The following CDK1 variants were observed in gnomAD, a reference collection of about 807,000 sequenced individuals.
CDK1 encodes cyclin dependent kinase 1, also known as cyclin-dependent kinase 1.
CDK1 carries 5 observed loss-of-function variants against 34.6 expected under a neutral mutation model. That is an observed-to-expected ratio of 0.14 (90% confidence interval 0.08 to 0.30). The LOEUF is 0.30. Among genes scored for constraint, CDK1 ranks in the 10% least tolerant of loss-of-function variants. CDK1 has a pLI of 1.00. For missense variants in CDK1, 157 were observed against 345.7 expected (o/e 0.45, Z 4.33); for synonymous variants, 108 against 114.7 (o/e 0.94, Z 0.37).
chr10:60,778,356 G>C (rs1348498936), upstream of CDK1: 1 of 152,318 alleles, frequency 6.6e-6, no homozygotes, highest in East Asian at 1.9e-4. Flanking sequence ...TTTCTTTCGC[G>C]CTCTAGCCAC....
intron 4 of CDK1, chr10:60,786,826 C>A: frequency 1.1e-6 from 1 of 935,608 alleles, no homozygotes; most frequent in Non-Finnish European, 1.3e-6. Flanking sequence ...TATTATAAAC[C>A]GCCTATATTT....
chr10:60,778,530 G>A lies in CDK1; in HGVS notation c.-66G>A, dbSNP rs1359729054. 3.9e-5 allele frequency: 6 copies of A among 152,496 alleles called. No homozygotes were observed. Among genetic ancestry groups the A allele is most frequent in the Non-Finnish European group, 8.8e-5 (6 of 68,248 alleles). The allele number at this position is 152,496 out of a possible 1,614,324, so 9.4% of individuals were successfully genotyped here. A position where few individuals can be genotyped will look rare whatever the true frequency, so the allele number is the denominator to read the frequency against. Reference sequence around the variant, plus strand: ...AAATTGAGCGGAGAGCGACGCGGTTGTTGTAGCTGCCGCTGCGGCCGCCGC... The same window carrying A: ...AAATTGAGCGGAGAGCGACGCGGTTATTGTAGCTGCCGCTGCGGCCGCCGC... On this transcript the variant is annotated 5_prime_UTR_variant, in exon 1 of 8. Transcript: ENST00000395284.
intron 4 of CDK1, 118 bp downstream of exon 4, chr10:60,785,905 T>A (rs1226785707): frequency 2.3e-6 from 3 of 1,318,550 alleles, no homozygotes; most frequent in Non-Finnish European, 2.9e-6. Flanking sequence ...TAAGAAAAAG[T>A]ATTTCATTTT....
chr10:60,790,061 ATTGT>A (rs1377539046), intron 5 of CDK1, among the ~76,000 whole-genome samples: 14 of 152,088 alleles, frequency 9.2e-5, no homozygotes, highest in Admixed American at 2.0e-4. Flanking sequence ...TTTTATTCAG[ATTGT>A]TTGACCATTT....
intron 4 of CDK1, 80 bp downstream of exon 4, chr10:60,785,867 G>A (rs2080311536): frequency 1.5e-6 from 2 of 1,372,590 alleles, no homozygotes; most frequent in Non-Finnish European, 1.9e-6. Context: ...TGCATTTTGT[G>A]GGAATATGCT....
At chr10:60,792,412 A>G (rs1350361851) in intron 7 of CDK1, 123 bp downstream of exon 7, 4 of 791,054 alleles carry the variant, frequency 5.1e-6, no homozygotes, top group Admixed American at 5.6e-5. Flanking sequence ...TGTTATGTAC[A>G]TTGTATTATA....
At chr10:60,786,415 G>C in intron 4 of CDK1, 1 of 718,598 alleles carries the variant, frequency 1.4e-6, no homozygotes, top group Non-Finnish European at 1.7e-6. Context: ...TTATCAAGAC[G>C]TAGATCTACC....
chr10:60,779,783 CTT>C (rs1454949096), intron 1 of CDK1, among the ~76,000 whole-genome samples: 1 of 151,510 alleles, frequency 6.6e-6, no homozygotes, highest in African/African-American at 2.4e-5. Flanking sequence ...TTGGGTATAA[CTT>C]TGGCACACGC....
intron 2 of CDK1, among the ~76,000 whole-genome samples, chr10:60,783,185 C>T (rs1307609534): frequency 6.6e-6 from 1 of 152,046 alleles, no homozygotes; most frequent in Non-Finnish European, 1.5e-5. Flanking sequence ...ATGAAGGTTG[C>T]CTACTTTTAA....
chr10:60,789,453 T>C (rs1194836262), intron 5 of CDK1, among the ~76,000 whole-genome samples: 1 of 152,234 alleles, frequency 6.6e-6, no homozygotes, highest in African/African-American at 2.4e-5. Context: ...CTTTTTACGT[T>C]TTCAAATATG....
At chr10:60,791,312 A>C (rs2080358202) in intron 5 of CDK1, among the ~76,000 whole-genome samples, 1 of 151,988 alleles carries the variant, frequency 6.6e-6, no homozygotes, top group Non-Finnish European at 1.5e-5. Flanking sequence ...TTTTTCAGCT[A>C]GTTATTGGTG....
At chr10:60,780,241 T>A in intron 2 of CDK1, 39 bp downstream of exon 2, 1 of 1,013,642 alleles carries the variant, frequency 9.9e-7, no homozygotes, top group Non-Finnish European at 1.6e-6. Context: ...TGGAATGATT[T>A]AACAATGCTA....
At chr10:60,786,136 C>T (rs2080313661) in intron 4 of CDK1, 5 of 949,980 alleles carry the variant, frequency 5.3e-6, no homozygotes, top group Middle Eastern at 5.3e-4. Context: ...CAGTTTTGAA[C>T]ATGTTTTGGT....
intron 5 of CDK1, among the ~76,000 whole-genome samples, chr10:60,790,865 T>C (rs1051891159): frequency 3.3e-5 from 5 of 152,190 alleles, no homozygotes; most frequent in African/African-American, 1.2e-4. Flanking sequence ...CTGGATTCTC[T>C]ATTTTGTTCT....
At chr10:60,786,428 T>C (rs2080316891) in intron 4 of CDK1, 7 of 690,990 alleles carry the variant, frequency 1.0e-5, no homozygotes, top group Non-Finnish European at 1.2e-5. Flanking sequence ...GATCTACCTA[T>C]GTCTATTTAC....
intron 4 of CDK1, chr10:60,786,946 T>G: frequency 3.1e-6 from 3 of 982,252 alleles, no homozygotes; most frequent in Non-Finnish European, 3.6e-6. Flanking sequence ...ATAATACATG[T>G]CAGTATTTTT....
rs996895642 is a variant in CDK1 at position 60,794,186 on chromosome 10, A to G, written c.*211A>G. 9.4e-6 allele frequency: 3 copies of G among 319,576 alleles called. No individual in the cohort carries two copies. The highest frequency in any genetic ancestry group is 4.4e-5 in the African/African-American group (2 of 45,206). 19.8% of individuals were successfully genotyped at this position (319,576 alleles called of 1,614,324 possible). On this transcript the variant is annotated 3_prime_UTR_variant, in exon 8 of 8. Coordinates refer to ENST00000395284, the MANE Select transcript of CDK1 (RefSeq NM_001786.5). ...AATGTGTGTAGGTCTCACTGTAACA[A>G]CTATTTGTTACTATAATAAAACTAT...
At chr10:60,785,344 T>A (rs1278593324) in intron 3 of CDK1, among the ~76,000 whole-genome samples, 1 of 152,160 alleles carries the variant, frequency 6.6e-6, no homozygotes, top group Non-Finnish European at 1.5e-5. Flanking sequence ...GCTTTTAAGG[T>A]CAGATACCAC....
intron 5 of CDK1, among the ~76,000 whole-genome samples, chr10:60,790,671 C>A (rs1288504660): frequency 2.0e-5 from 3 of 152,070 alleles, no homozygotes; most frequent in African/African-American, 7.2e-5. Flanking sequence ...AGTTTAAGGT[C>A]TTATTTAATC....
Sources: allele counts gnomAD v4.1 joint callset (sites outside exome capture counted in the v4.1 genomes callset), GRCh38; gene constraint gnomAD v4.1.1; transcripts MANE v1.5; gene names NCBI Gene and HGNC (gene_info 2026-07-23, HGNC 2026-07-21).